SYNE2: variants seen among roughly 807,000 people sequenced by gnomAD.
The protein encoded by SYNE2 is nesprin-2.
SYNE2 carries 431 observed loss-of-function variants against 856.3 expected under a neutral mutation model. The observed-to-expected ratio is 0.50, with a 90% CI of 0.47 to 0.55. The LOEUF (loss-of-function observed/expected upper bound fraction) is 0.55, where lower values mean the gene tolerates loss of function less well. Ranked by LOEUF, SYNE2 falls within the 20% of genes least tolerant of loss-of-function variation. SYNE2 has a pLI of 0.00. For missense variants in SYNE2, 8,129 were observed against 8,023.2 expected (o/e 1.01, Z -0.50); for synonymous variants, 2,923 against 2,872.3 (o/e 1.02, Z -0.56).
intron 1 of SYNE2, among the ~76,000 whole-genome samples, chr14:63,787,152 C>T (rs1054108496): frequency 2.0e-5 from 3 of 152,048 alleles, no homozygotes; most frequent in Admixed American, 1.3e-4. Flanking sequence ...ATTGGGATAT[C>T]GACAATCTCA....
In SYNE2 at chr14:64,215,338, T is replaced by G; in HGVS notation, c.19386T>G (p.Thr6462=). The stretch of plus-strand genomic sequence containing the variant: ...CATATCTTAAAATGACCACAAAAAC[T>G]TTGAAAGCGTCTTCTGGTAGGCCCC... ...PEAYLKMTTK[T]LKASSGKSIS... The change falls in exon 107 of 116, where the codon ACT becomes ACG. Residue 6462 remains threonine, a synonymous_variant. Coordinates refer to ENST00000555002, the MANE Select transcript of SYNE2 (RefSeq NM_182914.3). The G allele has an allele frequency of 6.2e-7, 1 of 1,614,098 alleles. No individual in the cohort carries two copies. The highest frequency in any genetic ancestry group is 1.1e-5 in the South Asian group (1 of 91,074).
At chr14:64,119,659 G>A in intron 67 of SYNE2, 50 bp downstream of exon 67, 1 of 1,591,832 alleles carries the variant, frequency 6.3e-7, no homozygotes, top group Non-Finnish European at 8.6e-7. Context: ...ATATGTGGCA[G>A]ACCTGCCAGA....
chr14:63,889,940 C>T (rs568522244), intron 1 of SYNE2, among the ~76,000 whole-genome samples: 2 of 152,112 alleles, frequency 1.3e-5, no homozygotes, highest in East Asian at 3.9e-4. Flanking sequence ...AAGAGATAGA[C>T]TGAGGGGGAA....
intron 34 of SYNE2, among the ~76,000 whole-genome samples, chr14:64,018,121 C>T (rs1360662592): frequency 1.3e-5 from 2 of 152,176 alleles, no homozygotes; most frequent in Non-Finnish European, 2.9e-5. Context: ...CTGTAGGCTT[C>T]ACCAGATTGC....
chr14:63,812,533 C>A (rs944098796), intron 1 of SYNE2, among the ~76,000 whole-genome samples: 1 of 152,114 alleles, frequency 6.6e-6, no homozygotes, highest in African/African-American at 2.4e-5. Flanking sequence ...AGATTAAAGA[C>A]AGGCATAAGA....
At position 63,980,723 on chromosome 14, in the gene SYNE2, A is replaced by G; in HGVS notation, c.1639A>G (p.Lys547Glu). 6.3e-7 allele frequency: 1 copy of G among 1,599,828 alleles called. No individual in the cohort carries two copies. Among genetic ancestry groups the G allele is most frequent in the Non-Finnish European group, 8.6e-7 (1 of 1,167,464 alleles). Residue 547 changes from lysine to glutamate, a missense_variant, in exon 15 of 116, where the codon AAG becomes GAG. Transcript: ENST00000555002. ...TTTTCAAAAATGTGGAGAAATTTAT[A>G]AGAATTTGGGTAAAGTGGTTCAGTT... Reference protein sequence around the residue: ...TSFQKCGEIYKNLAGECQNIN... With the variant: ...TSFQKCGEIYENLAGECQNIN...
intron 1 of SYNE2, among the ~76,000 whole-genome samples, chr14:63,770,882 A>C (rs1886873804): frequency 6.6e-6 from 1 of 152,044 alleles, no homozygotes; most frequent in Non-Finnish European, 1.5e-5. Context: ...AATTTAAAAA[A>C]AAATTGAGAG....
intron 1 of SYNE2, among the ~76,000 whole-genome samples, chr14:63,906,051 A>T (rs71656153): frequency 6.6e-6 from 1 of 152,088 alleles, no homozygotes; most frequent in Non-Finnish European, 1.5e-5. Context: ...TTCTGTGTCT[A>T]TTGAGATGAC....
chr14:64,118,568 G>A (rs1303170790), intron 66 of SYNE2, among the ~76,000 whole-genome samples: 1 of 152,112 alleles, frequency 6.6e-6, no homozygotes, highest in African/African-American at 2.4e-5. Flanking sequence ...CAACATAAAA[G>A]ATTAGGAAGG....
At chr14:64,218,257 C>T in intron 108 of SYNE2, 141 bp from the exon 109 acceptor site, 1 of 770,592 alleles carries the variant, frequency 1.3e-6, no homozygotes, top group Non-Finnish European at 2.2e-6. Flanking sequence ...GACACTAAAG[C>T]ACCACTGTAT....
intron 1 of SYNE2, among the ~76,000 whole-genome samples, chr14:63,883,771 GAA>G (rs1331121411): frequency 2.0e-5 from 3 of 152,100 alleles, no homozygotes; most frequent in Admixed American, 6.5e-5. Context: ...TTGAATTTGG[GAA>G]AAATTGTTCC....
chr14:63,823,020 C>T (rs1889279666), intron 1 of SYNE2, among the ~76,000 whole-genome samples: 1 of 152,182 alleles, frequency 6.6e-6, no homozygotes, highest in South Asian at 2.1e-4. Flanking sequence ...AGGAAGATCC[C>T]TTGGGCCTAG....
chr14:63,828,733 AAAATAAAT>A (rs922718412), intron 1 of SYNE2, among the ~76,000 whole-genome samples: 1 of 152,002 alleles, frequency 6.6e-6, no homozygotes, highest in Non-Finnish European at 1.5e-5. Context: ...TCCATCTCAA[AAAATAAAT>A]AAATAAATAA....
At chr14:64,069,043 C>CT (rs1339221824) in intron 51 of SYNE2, among the ~76,000 whole-genome samples, 2 of 152,078 alleles carry the variant, frequency 1.3e-5, no homozygotes, top group African/African-American at 4.8e-5. Flanking sequence ...CAGGAAAGGT[C>CT]TGAGCCTTTA....
At chr14:63,871,781 A>G (rs879484717) in intron 1 of SYNE2, among the ~76,000 whole-genome samples, 1 of 152,092 alleles carries the variant, frequency 6.6e-6, no homozygotes, top group Non-Finnish European at 1.5e-5. Context: ...GGTGTGAGCC[A>G]CTGCACCTGG....
At chr14:63,804,502 C>T (rs1025672110) in intron 1 of SYNE2, among the ~76,000 whole-genome samples, 1 of 151,832 alleles carries the variant, frequency 6.6e-6, no homozygotes, top group African/African-American at 2.4e-5. Flanking sequence ...CCTTTCTTTT[C>T]CTTTTTTTGA....
chr14:63,827,423 G>A (rs766160752), intron 1 of SYNE2, among the ~76,000 whole-genome samples: 8 of 151,558 alleles, frequency 5.3e-5, no homozygotes, highest in Admixed American at 2.0e-4. Context: ...TTGGGAGTTC[G>A]AGACCAGCCT....
Position 63,961,603 on chromosome 14 carries a change from C to G in SYNE2, c.866C>G (p.Pro289Arg), listed in dbSNP as rs1330997485. Residue 289 changes from proline to arginine, a missense_variant, in exon 9 of 116, where the codon CCT becomes CGT. Transcript: ENST00000555002. Reference sequence around the variant, plus strand: ...TTTCTGCAGTATTCCAAAGATGCCCCTGGGACTGGAGAGGAGGCTCAGGTA... The same window carrying G: ...TTTCTGCAGTATTCCAAAGATGCCCGTGGGACTGGAGAGGAGGCTCAGGTA... Reference protein sequence around the residue: ...AQFLQYSKDAPGTGEEAQGKV... With the variant: ...AQFLQYSKDARGTGEEAQGKV... 10 of 1,613,906 alleles carry G rather than the reference C, an allele frequency of 6.2e-6. No individual in the cohort carries two copies. The South Asian group carries it at 1.1e-4, about 18-fold the overall frequency.
At chr14:64,131,661 A>G (rs1460597718) in intron 76 of SYNE2, among the ~76,000 whole-genome samples, 2 of 152,116 alleles carry the variant, frequency 1.3e-5, no homozygotes, top group Non-Finnish European at 2.9e-5. Context: ...AGCTCATTGT[A>G]GCCTCGAGAT....
Sources: allele counts gnomAD v4.1 joint callset (sites outside exome capture counted in the v4.1 genomes callset), GRCh38; gene constraint gnomAD v4.1.1; transcripts MANE v1.5; gene names NCBI Gene and HGNC (gene_info 2026-07-23, HGNC 2026-07-21).